The following EIF3E variants were observed in gnomAD, a reference collection of about 807,000 sequenced individuals.
EIF3E encodes eIF-3 p48.
A neutral mutation model predicts 59.3 loss-of-function variants in EIF3E; 25 were observed. That is an observed-to-expected ratio of 0.42 (90% CI 0.31 to 0.59). EIF3E has a LOEUF of 0.59. EIF3E is among the 20% of genes least tolerant of loss of function. EIF3E has a pLI of 0.15. For synonymous variants in EIF3E, 176 were observed against 170.2 expected, an observed-to-expected ratio of 1.03 and a Z score of -0.26; for missense variants, 317 against 534.3, an observed-to-expected ratio of 0.59 and a Z score of 4.01.
rs1815270602 is a variant in EIF3E at position 108,214,719 on chromosome 8, A to T, written c.952-3T>A. The T allele has an allele frequency of 5.0e-6, 8 of 1,599,614 alleles. No individual in the cohort carries two copies. The highest frequency in any genetic ancestry group is 6.8e-6 in the Non-Finnish European group (8 of 1,176,662). On this transcript the variant is annotated splice_polypyrimidine_tract_variant and splice_region_variant and intron_variant, in intron 9 of 12. Coordinates refer to ENST00000220849, the MANE Select transcript of EIF3E (RefSeq NM_001568.3). ...AAGAAGAAGTCATTCACAAGCACCT[A>T]TATGTACAAATACAACAAAAATTAA...
chr8:108,202,503 C>T (rs572771377), intron 12 of EIF3E, among the ~76,000 whole-genome samples: 1 of 152,082 alleles, frequency 6.6e-6, no homozygotes, highest in East Asian at 1.9e-4. Context: ...GGATCTCTAT[C>T]AAAATGGGAG....
intron 5 of EIF3E, 64 bp downstream of exon 5, chr8:108,234,934 A>G: frequency 9.2e-7 from 1 of 1,090,382 alleles, no homozygotes. Flanking sequence ...ACATGTTTTG[A>G]AGAACCAAGG....
At chr8:108,221,606 G>A (rs2129878082) in intron 7 of EIF3E, 1 of 152,254 alleles carries the variant, frequency 6.6e-6, no homozygotes, top group Admixed American at 6.5e-5. Context: ...AATAAGCACT[G>A]GTAATAAAAT....
At chr8:108,233,958 C>A (rs143483107) in intron 5 of EIF3E, among the ~76,000 whole-genome samples, 1 of 150,816 alleles carries the variant, frequency 6.6e-6, no homozygotes, top group Non-Finnish European at 1.5e-5. Context: ...GTTTTGATAA[C>A]TGTAGAAGGC....
At chr8:108,210,746 C>T (rs2090047313) in intron 10 of EIF3E, among the ~76,000 whole-genome samples, 1 of 151,784 alleles carries the variant, frequency 6.6e-6, no homozygotes, top group African/African-American at 2.4e-5. Context: ...TCCCTCCCCA[C>T]TCCCCCCACC....
intron 1 of EIF3E, chr8:108,242,784 C>A: frequency 1.9e-6 from 1 of 520,460 alleles, no homozygotes; most frequent in South Asian, 6.9e-5. Context: ...GGCCAACAGA[C>A]ACATGAAAAG....
At chr8:108,219,030 C>T (rs1815357115) in intron 7 of EIF3E, among the ~76,000 whole-genome samples, 1 of 152,096 alleles carries the variant, frequency 6.6e-6, no homozygotes, top group Non-Finnish European at 1.5e-5. Flanking sequence ...AGTGACCTGC[C>T]TGCCTTGGCC....
At chr8:108,203,211 ATGCACTGTATAGAGATGACAAT>A (rs1815028185) in intron 11 of EIF3E, 94 bp from the exon 12 acceptor site, 1 of 1,464,260 alleles carries the variant, frequency 6.8e-7, no homozygotes, top group Non-Finnish European at 9.3e-7. Flanking sequence ...GCATATTTTA[ATGCACTGTATAGAGATGACAAT>A]ATTTACCAAG....
chr8:108,203,174 T>G, intron 11 of EIF3E, 57 bp from the exon 12 acceptor site: 3 of 1,580,306 alleles, frequency 1.9e-6, no homozygotes, highest in East Asian at 2.2e-5. Flanking sequence ...GTTTCTCAGG[T>G]AAGTAAAAAG....
At chr8:108,230,752 G>T (rs633901) in intron 5 of EIF3E, among the ~76,000 whole-genome samples, 88,197 of 151,930 alleles carry the variant, frequency 0.58, 25,597 homozygotes, top group Middle Eastern at 0.63. Flanking sequence ...AGGCAAAAAC[G>T]AAAAGTAATC....
intron 1 of EIF3E, 75 bp downstream of exon 1, chr8:108,248,538 A>G: frequency 1.4e-6 from 2 of 1,481,152 alleles, no homozygotes; most frequent in Non-Finnish European, 1.9e-6. Context: ...GCCTAGGACT[A>G]CAGACACCAC....
At chr8:108,203,596 T>G (rs1815038094) in intron 10 of EIF3E, 93 bp from the exon 11 acceptor site, 4 of 966,048 alleles carry the variant, frequency 4.1e-6, no homozygotes, top group Non-Finnish European at 6.5e-6. Flanking sequence ...GCATAGATAC[T>G]TTTTGGTATT....
chr8:108,242,806 C>A, intron 1 of EIF3E: 1 of 319,136 alleles, frequency 3.1e-6, no homozygotes. Context: ...TTCTCAACGT[C>A]ATTAATCATA....
chr8:108,232,754 T>C (rs1305467297), intron 5 of EIF3E, among the ~76,000 whole-genome samples: 1 of 152,208 alleles, frequency 6.6e-6, no homozygotes, highest in South Asian at 2.1e-4. Context: ...TGGCTCTTCA[T>C]ACTAACCTGC....
chr8:108,201,848 T>C lies in EIF3E; in HGVS notation c.*37A>G, dbSNP rs1444966499. The C allele has an allele frequency of 6.8e-7, 1 of 1,464,534 alleles. No individual in the cohort carries two copies. The highest frequency in any genetic ancestry group is 9.1e-7 in the Non-Finnish European group (1 of 1,103,038). The allele number at this position is 1,464,534 out of a possible 1,614,324, so 90.7% of individuals were successfully genotyped here. A position where few individuals can be genotyped will look rare whatever the true frequency, so the allele number is the denominator to read the frequency against. ...AATAGTTTTATTATTTCATCTTTCT[T>C]TGATAGTTTTTTTTTTCATCTTTTC... On this transcript the variant is annotated 3_prime_UTR_variant, in exon 13 of 13. Transcript: ENST00000220849.
intron 1 of EIF3E, among the ~76,000 whole-genome samples, chr8:108,246,721 C>G (rs1815956870): frequency 6.6e-6 from 1 of 152,170 alleles, no homozygotes; most frequent in Admixed American, 6.5e-5. Flanking sequence ...ACCAACCCCT[C>G]CTTTTACTCC....
chr8:108,214,893 C>T (rs1185861307), intron 9 of EIF3E, among the ~76,000 whole-genome samples, 177 bp from the exon 10 acceptor site: 1 of 152,038 alleles, frequency 6.6e-6, no homozygotes, highest in Non-Finnish European at 1.5e-5. Flanking sequence ...AAACGAATAC[C>T]ACAAGATAAA....
chr8:108,234,410 T>C (rs578047243), intron 5 of EIF3E: 3 of 152,332 alleles, frequency 2.0e-5, no homozygotes, highest in South Asian at 2.1e-4. Flanking sequence ...CTGTCAAATA[T>C]ACGGTAATAG....
At chr8:108,246,464 A>G (rs908270441) in intron 1 of EIF3E, among the ~76,000 whole-genome samples, 5 of 152,146 alleles carry the variant, frequency 3.3e-5, no homozygotes, top group African/African-American at 1.2e-4. Context: ...TTTTTACCTT[A>G]TATCAAAAAC....
Sources: gnomAD v4.1 joint callset for allele counts (sites outside exome capture counted in the v4.1 genomes callset) on GRCh38, gnomAD v4.1.1 for gene constraint, MANE v1.5 for transcripts, NCBI Gene and HGNC (gene_info 2026-07-23, HGNC 2026-07-21) for gene names.